The following ACSM6 variants were observed in gnomAD, a reference collection of about 807,000 sequenced individuals.
The protein encoded by ACSM6 is acyl-CoA synthetase medium chain family member 6.
In ACSM6, 35 loss-of-function variants were observed where a neutral mutation model predicts 51.1. That is an observed-to-expected ratio of 0.69 (90% CI 0.52 to 0.91). ACSM6 has a LOEUF of 0.91. Ranked by LOEUF, ACSM6 falls within the 40% of genes least tolerant of loss-of-function variation. The probability of loss-of-function intolerance (pLI) is 0.00; values close to 1 mark genes in which losing one functional copy is unlikely to be tolerated. For synonymous variants in ACSM6, 172 were observed against 207.3 expected, an observed-to-expected ratio of 0.83 and a Z score of 1.46; for missense variants, 509 against 584.1, an observed-to-expected ratio of 0.87 and a Z score of 1.32.
chr10:95,212,123 C>A, intron 6 of ACSM6, 89 bp downstream of exon 6: 1 of 1,479,918 alleles, frequency 6.8e-7, no homozygotes, highest in Admixed American at 1.8e-5. Context: ...CAGAATGGGG[C>A]AAATCAAGAG....
chr10:95,224,790 T>C (rs1463838539), intron 9 of ACSM6, among the ~76,000 whole-genome samples: 1 of 152,244 alleles, frequency 6.6e-6, no homozygotes, highest in Non-Finnish European at 1.5e-5. Flanking sequence ...TCCTAGACTG[T>C]TATAAAACTG....
Position 95,202,185 on chromosome 10 carries a change from T to C in ACSM6, c.393T>C (p.Cys131=), listed in dbSNP as rs2133373914. The change falls in exon 3 of 11, where the codon TGT becomes TGC. Residue 131 remains cysteine (C), a synonymous_variant. Coordinates refer to ENST00000341686, the Ensembl canonical transcript of ACSM6. The stretch of plus-strand genomic sequence containing the variant: ...AAGCCTACTGGATCTGCCTGGCCTG[T>C]GTGCGCTTGGGTGAGGCATGGGAGA... 3 of 1,552,058 alleles carry C rather than the reference T, an allele frequency of 1.9e-6. No homozygotes were observed. In the East Asian group the frequency reaches 7.3e-5, roughly 38 times the overall value.
chr10:95,201,188 G>T (rs1257610270), intron 2 of ACSM6, among the ~76,000 whole-genome samples: 3 of 152,176 alleles, frequency 2.0e-5, no homozygotes, highest in African/African-American at 7.2e-5. Flanking sequence ...AAAAAATTTA[G>T]ACTCAGGAGG....
chr10:95,213,007 C>T, intron 7 of ACSM6, 67 bp downstream of exon 7: 1 of 1,377,624 alleles, frequency 7.3e-7, no homozygotes, highest in South Asian at 1.2e-5. Flanking sequence ...ATTAGGACCC[C>T]TTAATTTGTT....
At chr10:95,197,348 C>T (rs1258196369) in intron 2 of ACSM6, among the ~76,000 whole-genome samples, 10 of 152,066 alleles carry the variant, frequency 6.6e-5, no homozygotes, top group East Asian at 1.9e-4. Context: ...GCACCGGCAC[C>T]GGTCTCTGAG....
intron 2 of ACSM6, among the ~76,000 whole-genome samples, chr10:95,201,153 T>C (rs2133372887): frequency 6.6e-6 from 1 of 152,338 alleles, no homozygotes; most frequent in Non-Finnish European, 1.5e-5. Flanking sequence ...ACTTACAGGA[T>C]CATGCCCTGA....
chr10:95,207,533 T>A (rs1417480111), intron 4 of ACSM6, 118 bp downstream of exon 4: 2 of 1,063,408 alleles, frequency 1.9e-6, no homozygotes, highest in Non-Finnish European at 2.8e-6. Flanking sequence ...GCAATTTCTA[T>A]GCAAGATTAG....
chr10:95,206,166 G>A (rs1203178109), intron 3 of ACSM6, among the ~76,000 whole-genome samples: 8 of 151,968 alleles, frequency 5.3e-5, no homozygotes, highest in Admixed American at 2.6e-4. Context: ...CCTATTCCCC[G>A]CTCTCTGCAA....
chr10:95,216,405 G>A (rs1190901339), intron 8 of ACSM6, among the ~76,000 whole-genome samples: 2 of 152,128 alleles, frequency 1.3e-5, no homozygotes, highest in Non-Finnish European at 2.9e-5. Flanking sequence ...TCAGGATCAA[G>A]GAAGGAAGAG....
At chr10:95,205,833 A>G (rs1442817219) in intron 3 of ACSM6, among the ~76,000 whole-genome samples, 1 of 152,076 alleles carries the variant, frequency 6.6e-6, no homozygotes, top group African/African-American at 2.4e-5. Context: ...GCACGGTTTC[A>G]TATATATATA....
exon 4 of ACSM6, chr10:95,207,291 G>A (rs147099598): frequency 1.1e-5 from 17 of 1,614,042 alleles, no homozygotes; most frequent in Non-Finnish European, 1.4e-5. Context: ...CCAGTGCATT[G>A]TGGCTAATGA....
At chr10:95,220,113 G>A in intron 9 of ACSM6, 142 bp downstream of exon 9, 1 of 658,010 alleles carries the variant, frequency 1.5e-6, no homozygotes. Flanking sequence ...TCACATTATT[G>A]CTTTTATTTC....
intron 8 of ACSM6, among the ~76,000 whole-genome samples, chr10:95,219,675 G>A (rs777690392): frequency 2.0e-5 from 3 of 151,886 alleles, no homozygotes; most frequent in Non-Finnish European, 2.9e-5. Context: ...TTGCAGTATG[G>A]TTTACATGTT....
chr10:95,208,868 T>G (rs973122903), intron 4 of ACSM6, among the ~76,000 whole-genome samples: 14 of 129,898 alleles, frequency 1.1e-4, no homozygotes, highest in African/African-American at 3.8e-4. Flanking sequence ...GCAAGACTAC[T>G]AAATTAAGTT....
chr10:95,209,854 C>T (rs2034877467), intron 4 of ACSM6, among the ~76,000 whole-genome samples: 1 of 151,630 alleles, frequency 6.6e-6, no homozygotes, highest in Non-Finnish European at 1.5e-5. Flanking sequence ...TGGTAAACTT[C>T]TCATGACAGA....
intron 8 of ACSM6, among the ~76,000 whole-genome samples, chr10:95,216,835 C>T (rs1438205279): frequency 6.6e-6 from 1 of 152,142 alleles, no homozygotes; most frequent in Non-Finnish European, 1.5e-5. Context: ...TCCTTAACCA[C>T]TCAATTGATG....
At position 95,228,762 on chromosome 10, in the gene ACSM6, ATGCAT is replaced by A. The variant is rs753893172; in HGVS notation, c.1424_1428del (p.Ala475GlyfsTer20). On this transcript the variant is annotated frameshift_variant, in exon 11 of 11. Coordinates refer to ENST00000341686, the Ensembl canonical transcript of ACSM6. LOFTEE classifies it high-confidence loss of function. ...TCTGGTAGAGTTGATGATGTTGCCA[ATGCAT>A]TGGGTCAGAGATTGTGAATGCTTTG... The A allele has an allele frequency of 6.4e-7, 1 of 1,551,594 alleles. No homozygotes were observed. The highest frequency in any genetic ancestry group is 8.7e-7 in the Non-Finnish European group (1 of 1,146,906).
At chr10:95,194,976 G>A (rs1322701837) in intron 2 of ACSM6, among the ~76,000 whole-genome samples, 3 of 152,174 alleles carry the variant, frequency 2.0e-5, no homozygotes, top group Non-Finnish European at 2.9e-5. Context: ...CAGTGTTGTC[G>A]AGAAGATTAA....
chr10:95,196,817 T>G (rs1393428030), intron 2 of ACSM6, among the ~76,000 whole-genome samples: 1 of 152,244 alleles, frequency 6.6e-6, no homozygotes, highest in Non-Finnish European at 1.5e-5. Flanking sequence ...CCAATAAATA[T>G]TCTACTTAAT....
Sources: gnomAD v4.1 joint callset for allele counts (sites outside exome capture counted in the v4.1 genomes callset) on GRCh38, gnomAD v4.1.1 for gene constraint, MANE v1.5 for transcripts, NCBI Gene and HGNC (gene_info 2026-07-23, HGNC 2026-07-21) for gene names.